The following BLOC1S5 variants were observed in gnomAD, a reference collection of about 807,000 sequenced individuals.
The protein encoded by BLOC1S5 is biogenesis of lysosome-related organelles complex 1 subunit 5.
In BLOC1S5, 27 loss-of-function variants were observed where a neutral mutation model predicts 24.3. The observed-to-expected ratio is 1.11, with a 90% confidence interval of 0.82 to 1.53. BLOC1S5 has a LOEUF of 1.53. BLOC1S5 is among the 40% of genes most tolerant of loss of function. The pLI, the probability that BLOC1S5 is intolerant of heterozygous loss-of-function variation, is 0.00. For synonymous variants in BLOC1S5, 84 were observed against 74.5 expected (o/e 1.13, Z -0.66); for missense variants, 239 against 229.4 (o/e 1.04, Z -0.27).
intron 4 of BLOC1S5, among the ~76,000 whole-genome samples, chr6:8,024,020 G>C (rs1019464766): frequency 2.6e-5 from 4 of 152,152 alleles, no homozygotes; most frequent in Admixed American, 2.0e-4. Context: ...CAGAGAAGTG[G>C]ATCTGTTTAT....
intron 4 of BLOC1S5, 113 bp from the exon 5 acceptor site, chr6:8,015,941 G>T: frequency 1.0e-6 from 1 of 970,890 alleles, no homozygotes; most frequent in Non-Finnish European, 1.5e-6. Flanking sequence ...CAAGGAAAAA[G>T]TTGTGTTATA....
chr6:8,017,590 C>T (rs752499587), intron 4 of BLOC1S5, among the ~76,000 whole-genome samples: 4 of 152,206 alleles, frequency 2.6e-5, no homozygotes, highest in Non-Finnish European at 4.4e-5. Context: ...TATTTTCTCT[C>T]TCATTTGGGT....
At chr6:8,017,407 C>CACACA (rs1554136933) in intron 4 of BLOC1S5, among the ~76,000 whole-genome samples, 34 of 151,712 alleles carry the variant, frequency 2.2e-4, no homozygotes, top group South Asian at 1.9e-3. Flanking sequence ...CACACACACA[C>CACACA]CTACAAAGCA....
intron 2 of BLOC1S5, among the ~76,000 whole-genome samples, chr6:8,047,990 G>A (rs558782871): frequency 6.6e-6 from 1 of 152,312 alleles, no homozygotes; most frequent in East Asian, 1.9e-4. Context: ...CAAAAATAAT[G>A]AGTTGGCTCC....
upstream of BLOC1S5, chr6:8,064,411 G>C: frequency 6.4e-7 from 1 of 1,570,512 alleles, no homozygotes; most frequent in Non-Finnish European, 8.7e-7. Flanking sequence ...GCCACGCTGC[G>C]CCTGCGCAAA....
rs1554139177 is a variant in BLOC1S5, at chr6:8,041,655, C to CTTTTTTTT, written c.196-395_196-388dup. On this transcript the variant is annotated intron_variant, in intron 2 of 4. Transcript: ENST00000397457. Reference sequence around the variant, plus strand: ...TAGTAATTACTTTCTTTCTTTCTTTCTTTTTTTTTGAGATGCAGTCTCGCC... The same window carrying CTTTTTTTT: ...TAGTAATTACTTTCTTTCTTTCTTTCTTTTTTTTTTTTTTTTTGAGATGCAGTCTCGCC... Among the ~76,000 whole-genome samples, 898 of 111,744 alleles carry CTTTTTTTT rather than the reference C, an allele frequency of 8.0e-3. 9 individuals carry two copies. The highest frequency in any genetic ancestry group is 0.012 in the Non-Finnish European group (671 of 55,122). The allele number at this position is 111,744 out of a possible 152,430, so 73.3% of individuals were successfully genotyped here.
At chr6:8,022,592 C>CTTTT (rs58841716) in intron 4 of BLOC1S5, among the ~76,000 whole-genome samples, 1 of 92,152 alleles carries the variant, frequency 1.1e-5, no homozygotes, top group Non-Finnish European at 2.0e-5. Flanking sequence ...TTTTTTTTTT[C>CTTTT]TTTTTTTTTT....
Position 8,032,882 on chromosome 6 carries a change from T to A in BLOC1S5, c.326-6457A>T, listed in dbSNP as rs189250402. Among the ~76,000 whole-genome samples, 263 of 152,180 alleles carry A rather than the reference T, an allele frequency of 1.7e-3. 2 individuals carry two copies. The highest frequency in any genetic ancestry group is 5.9e-3 in the African/African-American group (244 of 41,504). On this transcript the variant is annotated intron_variant, in intron 3 of 4. Transcript: ENST00000397457. Reference sequence around the variant, plus strand: ...TGAGTGAACTCCCATTCACAATTGCTACAAAGAGAATAAAATACCTAGGAA... The same window carrying A: ...TGAGTGAACTCCCATTCACAATTGCAACAAAGAGAATAAAATACCTAGGAA...
At chr6:8,047,718 TTGTC>T (rs1763956370) in intron 2 of BLOC1S5, among the ~76,000 whole-genome samples, 1 of 152,222 alleles carries the variant, frequency 6.6e-6, no homozygotes, top group South Asian at 2.1e-4. Context: ...ACATACTCCT[TTGTC>T]TGTTCTCTTT....
chr6:8,052,276 C>A (rs1764138999), intron 2 of BLOC1S5, among the ~76,000 whole-genome samples: 1 of 152,128 alleles, frequency 6.6e-6, no homozygotes, highest in Non-Finnish European at 1.5e-5. Flanking sequence ...GTACAACATT[C>A]ATTCTACAGC....
intron 3 of BLOC1S5, among the ~76,000 whole-genome samples, chr6:8,028,307 ATATT>A (rs1199692474): frequency 1.3e-5 from 2 of 152,110 alleles, no homozygotes; most frequent in East Asian, 1.9e-4. Context: ...ATCAAAGATA[ATATT>A]TAAGTATTGA....
chr6:8,058,357 G>GAAAAAAAAAAAAAAAAAAAAAAAAAAA (rs60827828), intron 2 of BLOC1S5, among the ~76,000 whole-genome samples: 2 of 84,552 alleles, frequency 2.4e-5, no homozygotes, highest in Non-Finnish European at 2.5e-5. Context: ...CTGTCTCTAT[G>GAAAAAAAAAAAAAAAAAAAAAAAAAAA]AAAAAAAAAA....
intron 4 of BLOC1S5, among the ~76,000 whole-genome samples, chr6:8,022,646 G>A (rs1206625371): frequency 7.9e-6 from 1 of 126,684 alleles, no homozygotes; most frequent in Non-Finnish European, 1.6e-5. Flanking sequence ...GTGCAGTGGC[G>A]GGATCTCGGC....
chr6:8,046,627 C>T (rs1337254530), intron 2 of BLOC1S5, among the ~76,000 whole-genome samples: 1 of 150,070 alleles, frequency 6.7e-6, no homozygotes, highest in African/African-American at 2.4e-5. Context: ...CTCTCATATA[C>T]TCCAAGCTTC....
rs1206049490 is a variant in BLOC1S5 at position 8,015,613 on chromosome 6, C to G, written c.*36G>C. 6.3e-7 allele frequency: 1 copy of G among 1,586,228 alleles called. No individual in the cohort carries two copies. The highest frequency in any genetic ancestry group is 8.6e-7 in the Non-Finnish European group (1 of 1,164,278). ...TAGTTTTCAGGAGAGAGGTGAACAT[C>G]TTCTCATTAGTTTGTGATTGTTGTG... On this transcript the variant is annotated 3_prime_UTR_variant, in exon 5 of 5. Transcript: ENST00000397457.
chr6:8,052,042 C>T (rs1764125236), intron 2 of BLOC1S5, among the ~76,000 whole-genome samples: 1 of 147,066 alleles, frequency 6.8e-6, no homozygotes, highest in African/African-American at 2.5e-5. Context: ...TCTCGGCTCA[C>T]TGCAAGCTCC....
At chr6:8,046,959 T>A (rs1763921199) in intron 2 of BLOC1S5, among the ~76,000 whole-genome samples, 1 of 151,712 alleles carries the variant, frequency 6.6e-6, no homozygotes. Flanking sequence ...TTTTTAAAAA[T>A]TTTTTGTAGA....
intron 1 of BLOC1S5, among the ~76,000 whole-genome samples, chr6:8,063,547 A>G (rs1353298089): frequency 6.6e-6 from 1 of 152,214 alleles, no homozygotes; most frequent in Non-Finnish European, 1.5e-5. Context: ...CTCTATTTTA[A>G]TGAATTTTAT....
chr6:8,042,435 GA>G (rs1201250639), intron 2 of BLOC1S5, among the ~76,000 whole-genome samples: 48 of 152,314 alleles, frequency 3.2e-4, no homozygotes, highest in African/African-American at 1.1e-3. Flanking sequence ...CTGGGGGCTG[GA>G]AACTTGACTA....
Sources: allele counts gnomAD v4.1 joint callset (sites outside exome capture counted in the v4.1 genomes callset), GRCh38; gene constraint gnomAD v4.1.1; transcripts MANE v1.5; gene names NCBI Gene and HGNC (gene_info 2026-07-23, HGNC 2026-07-21).